Variants in TACR3 observed in about 807,000 individuals in gnomAD.
TACR3 encodes tachykinin receptor 3, also known as neuromedin-K receptor.
A neutral mutation model predicts 35.0 loss-of-function variants in TACR3; 34 were observed. The observed-to-expected ratio is 0.97, with a 90% confidence interval of 0.74 to 1.30. The LOEUF (loss-of-function observed/expected upper bound fraction) is 1.30, where lower values mean the gene tolerates loss of function less well. TACR3 is among the 50% of genes most tolerant of loss of function. The pLI is 0.00. For synonymous variants in TACR3, 233 were observed against 221.1 expected, an observed-to-expected ratio of 1.05 and a Z score of -0.48; for missense variants, 558 against 591.7, an observed-to-expected ratio of 0.94 and a Z score of 0.59.
Position 103,656,198 on chromosome 4 carries a change from C to T in TACR3, c.884G>A (p.Arg295Lys). The change falls in exon 3 of 5, where the codon AGA becomes AAA. Residue 295 changes from arginine (R) to lysine (K), a missense_variant. Arg to Lys is a conservative substitution (Grantham distance 26). Transcript: ENST00000304883. ...DKYHEQLKAK[R>K]KVVKMMIIVV... The stretch of plus-strand genomic sequence containing the variant: ...GTAAACAACATGGACCAGTACCTTT[C>T]TTTTGGCCTTTAGCTGCTCATGATA... 1.2e-6 allele frequency: 2 copies of T among 1,612,886 alleles called. No individual in the cohort carries two copies. Among genetic ancestry groups the T allele is most frequent in the Non-Finnish European group, 1.7e-6 (2 of 1,179,168 alleles).
chr4:103,614,689 A>G (rs1228076691), intron 3 of TACR3, among the ~76,000 whole-genome samples: 1 of 152,132 alleles, frequency 6.6e-6, no homozygotes, highest in Non-Finnish European at 1.5e-5. Context: ...AGAAGAGATG[A>G]GAACACTCAT....
intron 1 of TACR3, among the ~76,000 whole-genome samples, chr4:103,711,522 C>T (rs1305132831): frequency 6.6e-6 from 1 of 152,086 alleles, no homozygotes; most frequent in Non-Finnish European, 1.5e-5. Flanking sequence ...TTATGACAAA[C>T]CCACAGCACA....
At chr4:103,658,151 TA>T in intron 2 of TACR3, 63 bp downstream of exon 2, 1 of 1,507,054 alleles carries the variant, frequency 6.6e-7, no homozygotes, top group Non-Finnish European at 9.2e-7. Context: ...TTGTTGCTCC[TA>T]ATCTGTAGTT....
At chr4:103,671,534 G>T (rs1441452707) in intron 1 of TACR3, among the ~76,000 whole-genome samples, 2 of 151,860 alleles carry the variant, frequency 1.3e-5, no homozygotes, top group East Asian at 1.9e-4. Flanking sequence ...ATGTATTCAA[G>T]AATTTATCCT....
intron 3 of TACR3, among the ~76,000 whole-genome samples, chr4:103,598,554 C>CTA (rs1231730844): frequency 1.3e-5 from 2 of 152,070 alleles, no homozygotes; most frequent in East Asian, 3.9e-4. Flanking sequence ...ATGGTATTGC[C>CTA]TATGTTTTCT....
rs777423008 is a variant in TACR3 at position 103,656,175 on chromosome 4, A to G, written c.888+19T>C. The G allele has an allele frequency of 6.2e-7, 1 of 1,612,438 alleles. No individual in the cohort carries two copies. The highest frequency in any genetic ancestry group is 8.5e-7 in the Non-Finnish European group (1 of 1,178,846). On this transcript the variant is annotated intron_variant, in intron 3 of 4. Coordinates refer to ENST00000304883, the MANE Select transcript of TACR3 (RefSeq NM_001059.3). Reference sequence around the variant, plus strand: ...ACCATAACCTATACAAATGCTAGGTAAACAACATGGACCAGTACCTTTCTT... The same window carrying G: ...ACCATAACCTATACAAATGCTAGGTGAACAACATGGACCAGTACCTTTCTT...
chr4:103,628,320 A>G (rs926912254), intron 3 of TACR3, among the ~76,000 whole-genome samples: 1 of 152,176 alleles, frequency 6.6e-6, no homozygotes, highest in Non-Finnish European at 1.5e-5. Flanking sequence ...GGAGATAGAG[A>G]CACAAAAAAC....
intron 4 of TACR3, 53 bp downstream of exon 4, chr4:103,591,434 T>A (rs1723890925): frequency 6.3e-7 from 1 of 1,592,790 alleles, no homozygotes; most frequent in African/African-American, 1.3e-5. Flanking sequence ...ATTGTATGTT[T>A]CCAGTGAAGG....
chr4:103,674,960 C>T (rs904566345), intron 1 of TACR3, among the ~76,000 whole-genome samples: 1 of 152,084 alleles, frequency 6.6e-6, no homozygotes, highest in African/African-American at 2.4e-5. Flanking sequence ...TTATATTTAT[C>T]CTCCTAAAGA....
intron 1 of TACR3, among the ~76,000 whole-genome samples, chr4:103,697,564 A>G (rs935528517): frequency 6.6e-6 from 1 of 151,960 alleles, no homozygotes; most frequent in East Asian, 1.9e-4. Flanking sequence ...AACTGGGACT[A>G]CAGGCGCCCG....
chr4:103,649,136 GATT>G (rs1725527364), intron 3 of TACR3, among the ~76,000 whole-genome samples: 1 of 151,926 alleles, frequency 6.6e-6, no homozygotes, highest in African/African-American at 2.4e-5. Flanking sequence ...TGGATTATTA[GATT>G]TTTTTCCTAG....
intron 1 of TACR3, among the ~76,000 whole-genome samples, chr4:103,695,332 C>T (rs1055941140): frequency 1.3e-5 from 2 of 152,088 alleles, no homozygotes; most frequent in African/African-American, 4.8e-5. Context: ...CCACTTCACC[C>T]TTTGCTATCC....
chr4:103,683,470 C>CAAAAAAAAAAAAAAAAAAA (rs57761679), intron 1 of TACR3, among the ~76,000 whole-genome samples: 9 of 21,148 alleles, frequency 4.3e-4, no homozygotes, highest in Non-Finnish European at 6.2e-4. Context: ...AAAGACTGAC[C>CAAAAAAAAAAAAAAAAAAA]AAAAAAAAAA....
At chr4:103,591,415 T>C (rs1028668648) in intron 4 of TACR3, 72 bp downstream of exon 4, 32 of 1,569,734 alleles carry the variant, frequency 2.0e-5, no homozygotes, top group African/African-American at 9.5e-5. Flanking sequence ...ACCAAGAAAA[T>C]GGAACAACAT....
chr4:103,642,791 T>C (rs1333694498), intron 3 of TACR3, among the ~76,000 whole-genome samples: 1 of 151,860 alleles, frequency 6.6e-6, no homozygotes, highest in African/African-American at 2.4e-5. Flanking sequence ...ATTTATTGCA[T>C]ATTTTAAAAT....
chr4:103,657,926 T>C (rs1025954247), intron 2 of TACR3, among the ~76,000 whole-genome samples: 7 of 149,664 alleles, frequency 4.7e-5, no homozygotes, highest in African/African-American at 1.7e-4. Context: ...AATAACACAA[T>C]GCTTTTCTTT....
intron 3 of TACR3, among the ~76,000 whole-genome samples, chr4:103,645,131 A>G (rs1725431891): frequency 6.6e-6 from 1 of 151,944 alleles, no homozygotes; most frequent in South Asian, 2.1e-4. Context: ...ATTACCCTGA[A>G]CATTTACTAC....
At chr4:103,614,369 T>C (rs2110299148) in intron 3 of TACR3, among the ~76,000 whole-genome samples, 1 of 92,826 alleles carries the variant, frequency 1.1e-5, no homozygotes, top group Middle Eastern at 8.2e-3. Flanking sequence ...AACTGACAGA[T>C]TTTTTTTTCC....
intron 3 of TACR3, among the ~76,000 whole-genome samples, chr4:103,636,078 T>A (rs1725181369): frequency 6.6e-6 from 1 of 151,972 alleles, no homozygotes; most frequent in Non-Finnish European, 1.5e-5. Flanking sequence ...TTATGTAGGT[T>A]TACTAAATTT....
Sources: gnomAD v4.1 joint callset for allele counts (sites outside exome capture counted in the v4.1 genomes callset) on GRCh38, gnomAD v4.1.1 for gene constraint, MANE v1.5 for transcripts, NCBI Gene and HGNC (gene_info 2026-07-23, HGNC 2026-07-21) for gene names.